The following IL24 variants were observed in gnomAD, a reference collection of about 807,000 sequenced individuals.
The protein encoded by IL24 is interleukin-24.
IL24 carries 24 observed loss-of-function variants against 27.6 expected under a neutral mutation model. The ratio of observed to expected loss-of-function variants is 0.87; its 90% CI spans 0.63 to 1.22. The LOEUF is 1.22. IL24 is among the 50% of genes most tolerant of loss of function. The pLI is 0.00. For synonymous variants in IL24, 99 were observed against 93.1 expected (o/e 1.06, Z -0.36); for missense variants, 240 against 237.0 (o/e 1.01, Z -0.08).
intron 6 of IL24, chr1:206,902,668 G>A (rs533383702): frequency 1.0e-6 from 1 of 985,342 alleles, no homozygotes; most frequent in Non-Finnish European, 1.2e-6. Flanking sequence ...CACCTGTGCA[G>A]TGGATTCAGG....
intron 6 of IL24, 86 bp from the exon 7 acceptor site, chr1:206,902,890 T>C (rs1678451315): frequency 6.2e-7 from 1 of 1,604,706 alleles, no homozygotes; most frequent in African/African-American, 1.3e-5. Context: ...TGGATTGGAG[T>C]CAGGTCTATT....
At chr1:206,901,239 G>A (rs1469719352) in intron 4 of IL24, among the ~76,000 whole-genome samples, 1 of 152,106 alleles carries the variant, frequency 6.6e-6, no homozygotes, top group Non-Finnish European at 1.5e-5. Context: ...TGGGAGCTAG[G>A]CTGTGTCTGC....
At chr1:206,902,518 C>G (rs1678430627) in intron 6 of IL24, 1 of 981,540 alleles carries the variant, frequency 1.0e-6, no homozygotes, top group Non-Finnish European at 1.2e-6. Flanking sequence ...ACAAAGAAAA[C>G]CCAAATTTCA....
At position 206,899,406 on chromosome 1, in the gene IL24, G is replaced by T. The variant is rs1348111399; in HGVS notation, c.131G>T (p.Ser44Ile). Residue 44 changes from serine to isoleucine, a missense_variant, in exon 3 of 7, where the codon AGC becomes ATC. Physicochemically the swap from Ser to Ile is moderately radical, Grantham distance 142 (BLOSUM62 -2). Coordinates refer to ENST00000294984, the MANE Select transcript of IL24 (RefSeq NM_006850.3). The stretch of plus-strand genomic sequence containing the variant: ...CTGGGTTTTACCCTGCTTCTCTGGA[G>T]CCAGGTATCAGGGGCCCAGGGCCAA... Reference protein sequence around the residue: ...PCLGFTLLLWSQVSGAQGQEF... With the variant: ...PCLGFTLLLWIQVSGAQGQEF... 6.2e-7 allele frequency: 1 copy of T among 1,614,202 alleles called. No homozygotes were observed. Among genetic ancestry groups the T allele is most frequent in the Non-Finnish European group, 8.5e-7 (1 of 1,180,022 alleles).
At chr1:206,901,357 C>A in intron 4 of IL24, 137 bp from the exon 5 acceptor site, 5 of 984,624 alleles carry the variant, frequency 5.1e-6, no homozygotes, top group South Asian at 3.8e-5. Context: ...TCCTACAGAT[C>A]TAAGGTTCAT....
intron 2 of IL24, 97 bp from the exon 3 acceptor site, chr1:206,899,223 G>A (rs1678277400): frequency 6.2e-6 from 8 of 1,287,290 alleles, no homozygotes; most frequent in East Asian, 2.4e-5. Context: ...GAGAGTGCTC[G>A]AGATTGGCCC....
rs777250408 is a variant in IL24 at position 206,901,644 on chromosome 1, C to T, written c.454C>T (p.Gln152Ter). Residue 152 changes from glutamine to a stop codon, truncating the protein, a stop_gained, in exon 5 of 7, where the codon CAA becomes TAA. Transcript: ENST00000294984. LOFTEE classifies it high-confidence loss of function. ...NNFVLIVSQL[Q>*]PSQENEMFSI... Reference sequence around the variant, plus strand: ...CTTTGTTCTCATCGTGTCACAACTGCAACCCAGTGTGAGTAGCACACGCTC... The same window carrying T: ...CTTTGTTCTCATCGTGTCACAACTGTAACCCAGTGTGAGTAGCACACGCTC... 4.3e-6 allele frequency: 7 copies of T among 1,613,116 alleles called. No individual in the cohort carries two copies. The South Asian group carries it at 5.5e-5, about 13-fold the overall frequency.
rs781692316 is a variant in IL24 at position 206,900,315 on chromosome 1, G to C, written c.261G>C (p.Thr87=). ...KDTMQAQDNI[T]SARLLQQEVL... is the part of the protein sequence containing the mutation. ...CCAAGCAAGCTCAGGATAACATCAC[G>C]AGTGCCCGGCTGCTGCAGCAGGAGG... Residue 87 remains threonine, a synonymous_variant, in exon 4 of 7, where the codon ACG becomes ACC. Transcript: ENST00000294984. 6.2e-7 allele frequency: 1 copy of C among 1,613,912 alleles called. No homozygotes were observed. Among genetic ancestry groups the C allele is most frequent in the Non-Finnish European group, 8.5e-7 (1 of 1,179,970 alleles).
At chr1:206,902,127 A>G (rs1558641971) in intron 6 of IL24, 55 bp downstream of exon 6, 3 of 1,605,014 alleles carry the variant, frequency 1.9e-6, no homozygotes, top group Non-Finnish European at 1.7e-6. Flanking sequence ...AGTCTGCACC[A>G]TCACACGAGG....
chr1:206,898,380 C>T (rs1372971342), intron 2 of IL24, among the ~76,000 whole-genome samples: 1 of 151,032 alleles, frequency 6.6e-6, no homozygotes. Context: ...CCAGTGCCTG[C>T]AGTAAGAAAG....
intron 6 of IL24, 200 bp downstream of exon 6, chr1:206,902,272 T>C: frequency 1.0e-6 from 1 of 985,430 alleles, no homozygotes. Context: ...CTTCCAGTTT[T>C]CAAGTTAAAG....
chr1:206,900,318 T>C lies in IL24; in HGVS notation c.264T>C (p.Ser88=). Residue 88 remains serine, a synonymous_variant, in exon 4 of 7, where the codon AGT becomes AGC. Coordinates refer to ENST00000294984, the MANE Select transcript of IL24 (RefSeq NM_006850.3). The part of the protein sequence containing the change: ...DTMQAQDNIT[S]ARLLQQEVLQ... ...AGCAAGCTCAGGATAACATCACGAG[T>C]GCCCGGCTGCTGCAGCAGGAGGTTC... 1.2e-6 allele frequency: 2 copies of C among 1,613,796 alleles called. No individual in the cohort carries two copies. The highest frequency in any genetic ancestry group is 1.7e-6 in the Non-Finnish European group (2 of 1,179,936).
At chr1:206,898,837 C>T (rs1484675606) in intron 2 of IL24, among the ~76,000 whole-genome samples, 3 of 152,262 alleles carry the variant, frequency 2.0e-5, no homozygotes, top group Non-Finnish European at 2.9e-5. Context: ...GAGGGACAGC[C>T]GTCTCCTGGG....
At chr1:206,902,168 G>C in intron 6 of IL24, 96 bp downstream of exon 6, 1 of 1,547,312 alleles carries the variant, frequency 6.5e-7, no homozygotes, top group South Asian at 1.2e-5. Context: ...AGAATGTAAT[G>C]CAGGGGACAC....
intron 2 of IL24, among the ~76,000 whole-genome samples, chr1:206,898,492 G>A (rs1678245111): frequency 6.6e-6 from 1 of 152,084 alleles, no homozygotes; most frequent in South Asian, 2.1e-4. Flanking sequence ...AAGGAGGGAG[G>A]GAGGGAGAGA....
At chr1:206,898,669 T>C (rs1296823056) in intron 2 of IL24, among the ~76,000 whole-genome samples, 1 of 152,210 alleles carries the variant, frequency 6.6e-6, no homozygotes, top group Non-Finnish European at 1.5e-5. Flanking sequence ...TCTGGAAATC[T>C]GATGCCTCTC....
rs370331595 is a variant in IL24 at position 206,903,268 on chromosome 1, C to T, written c.*209C>T. On this transcript the variant is annotated 3_prime_UTR_variant, in exon 7 of 7. Coordinates refer to ENST00000294984, the MANE Select transcript of IL24 (RefSeq NM_006850.3). The stretch of plus-strand genomic sequence containing the variant: ...GCCTCTGGATGCTGTGAAGAGTCTA[C>T]AGAGAAGATTCTTGTATTTATTACA... 3 of 527,586 alleles carry T rather than the reference C, an allele frequency of 5.7e-6. No individual in the cohort carries two copies. The highest frequency in any genetic ancestry group is 3.8e-5 in the African/African-American group (2 of 52,794). The allele number at this position is 527,586 out of a possible 1,614,324, so 32.7% of individuals were successfully genotyped here.
At chr1:206,900,931 GT>G (rs3093428) in intron 4 of IL24, among the ~76,000 whole-genome samples, 2 of 152,086 alleles carry the variant, frequency 1.3e-5, no homozygotes, top group African/African-American at 4.8e-5. Context: ...GGTAGAGTAT[GT>G]TATCAAGGAT....
chr1:206,902,745 C>T, intron 6 of IL24: 1 of 985,376 alleles, frequency 1.0e-6, no homozygotes, highest in Non-Finnish European at 1.2e-6. Flanking sequence ...ATATGTCTTT[C>T]CCTTGTTCTT....
Sources: gnomAD v4.1 joint callset for allele counts (sites outside exome capture counted in the v4.1 genomes callset) on GRCh38, gnomAD v4.1.1 for gene constraint, MANE v1.5 for transcripts, NCBI Gene and HGNC (gene_info 2026-07-23, HGNC 2026-07-21) for gene names.